Variants in PDE1C observed in about 807,000 individuals in gnomAD.
PDE1C encodes the protein phosphodiesterase 1C, also known as dual specificity calcium/calmodulin-dependent 3',5'-cyclic nucleotide phosphodiesterase 1C.
Under a neutral mutation model 93.1 loss-of-function variants are expected in PDE1C, and 62 were observed. That is an observed-to-expected ratio of 0.67 (90% CI 0.54 to 0.82). The LOEUF is 0.82. PDE1C is among the 40% of genes least tolerant of loss of function. The pLI, the probability that PDE1C is intolerant of heterozygous loss-of-function variation, is 0.00. For missense variants in PDE1C, 742 were observed against 884.6 expected (o/e 0.84, Z 2.04); for synonymous variants, 325 against 310.1 (o/e 1.05, Z -0.50).
chr7:31,745,963 G>C, the PDE1C span, among the ~76,000 whole-genome samples: 1 of 152,180 alleles, frequency 6.6e-6, no homozygotes, highest in African/African-American at 2.4e-5. Flanking sequence ...AAGGTGTCAG[G>C]AGTACCCAGA....
chr7:32,124,349 A>T (rs1330612193), intron 3 of PDE1C, among the ~76,000 whole-genome samples: 1 of 152,202 alleles, frequency 6.6e-6, no homozygotes, highest in Non-Finnish European at 1.5e-5. Context: ...ATTAGAAAAA[A>T]ATACTTTAAA....
At chr7:32,406,181 C>T (rs930715616) in intron 1 of PDE1C, among the ~76,000 whole-genome samples, 1 of 152,170 alleles carries the variant, frequency 6.6e-6, no homozygotes, top group South Asian at 2.1e-4. Flanking sequence ...TTTCATCTAC[C>T]TCTTTCCCCT....
At chr7:31,851,672 C>T (rs917786762) in intron 7 of PDE1C, among the ~76,000 whole-genome samples, 19 of 152,180 alleles carry the variant, frequency 1.2e-4, no homozygotes, top group African/African-American at 4.6e-4. Context: ...ATGATTTATT[C>T]TAAACCACAT....
rs192217773 is a variant in PDE1C at position 32,115,159 on chromosome 7, G to A, written c.308+54626C>T. The stretch of plus-strand genomic sequence containing the variant: ...AAATCATTCTATTATAAATAAACAC[G>A]CCCACGTATGTTTATTGCAGCACTA... On this transcript the variant is annotated intron_variant, in intron 3 of 18. Transcript: ENST00000396193. Among the ~76,000 whole-genome samples the A allele has an allele frequency of 3.3e-4, 50 of 152,044 alleles. 1 individual carries two copies. The East Asian group carries it at 5.6e-3, about 17-fold the overall frequency.
the PDE1C span, among the ~76,000 whole-genome samples, chr7:31,733,495 G>A: frequency 6.6e-6 from 1 of 152,168 alleles, no homozygotes; most frequent in Non-Finnish European, 1.5e-5. Context: ...CTGACGTGCA[G>A]AGAATCAGGT....
chr7:31,921,572 A>T (rs1802626740), intron 2 of PDE1C, among the ~76,000 whole-genome samples: 1 of 152,308 alleles, frequency 6.6e-6, no homozygotes, highest in East Asian at 1.9e-4. Flanking sequence ...GTAAACATTT[A>T]ACTCCTCATA....
chr7:31,823,815 T>C (rs1583480725), intron 13 of PDE1C, among the ~76,000 whole-genome samples: 3 of 152,126 alleles, frequency 2.0e-5, no homozygotes, highest in Admixed American at 1.3e-4. Context: ...AAAGACCTTA[T>C]GGGTAACTTT....
the PDE1C span, among the ~76,000 whole-genome samples, chr7:31,683,587 A>G: frequency 2.6e-5 from 4 of 152,066 alleles, no homozygotes; most frequent in Non-Finnish European, 5.9e-5. Flanking sequence ...CTCCTCTCTA[A>G]GAGGCTGATG....
At chr7:32,200,379 C>T (rs962541058) in intron 2 of PDE1C, among the ~76,000 whole-genome samples, 1 of 152,132 alleles carries the variant, frequency 6.6e-6, no homozygotes, top group Non-Finnish European at 1.5e-5. Flanking sequence ...TCAAAGTGTT[C>T]CTGGACCTTT....
upstream of PDE1C, among the ~76,000 whole-genome samples, chr7:32,300,732 C>A (rs560264480): frequency 6.6e-6 from 1 of 152,106 alleles, no homozygotes; most frequent in Non-Finnish European, 1.5e-5. Context: ...ACAAAAATAA[C>A]GTATTTTAGT....
chr7:32,056,431 T>C (rs936064651), intron 1 of PDE1C, among the ~76,000 whole-genome samples: 1 of 151,842 alleles, frequency 6.6e-6, no homozygotes, highest in Non-Finnish European at 1.5e-5. Context: ...CGTTTCTGTT[T>C]TTCTAAGGGG....
intron 2 of PDE1C, among the ~76,000 whole-genome samples, chr7:32,188,255 C>T (rs1804012053): frequency 2.0e-5 from 3 of 151,730 alleles, no homozygotes; most frequent in Admixed American, 2.0e-4. Flanking sequence ...CTATTGAACA[C>T]AGGGAGCCCT....
intron 3 of PDE1C, among the ~76,000 whole-genome samples, chr7:32,079,577 C>T (rs192224021): frequency 1.1e-4 from 17 of 152,312 alleles, no homozygotes; most frequent in South Asian, 4.1e-4. Flanking sequence ...GATGGCAACC[C>T]GGGCTAGAAT....
the PDE1C span, among the ~76,000 whole-genome samples, chr7:31,745,195 G>A: frequency 6.6e-6 from 1 of 152,160 alleles, no homozygotes; most frequent in African/African-American, 2.4e-5. Flanking sequence ...GCTCTGTGTC[G>A]AGAAGGTTTC....
At chr7:32,200,924 C>T (rs989053605) in intron 2 of PDE1C, among the ~76,000 whole-genome samples, 3 of 152,082 alleles carry the variant, frequency 2.0e-5, no homozygotes, top group Admixed American at 1.3e-4. Context: ...TTTAAGAGTC[C>T]GAGTTAGGCA....
At chr7:31,912,637 T>C (rs1801392571) in intron 2 of PDE1C, among the ~76,000 whole-genome samples, 1 of 152,094 alleles carries the variant, frequency 6.6e-6, no homozygotes, top group African/African-American at 2.4e-5. Flanking sequence ...CAGTGAGCTA[T>C]GATCATGCCA....
At chr7:31,875,932 G>A (rs540630081) in intron 5 of PDE1C, among the ~76,000 whole-genome samples, 97 of 149,042 alleles carry the variant, frequency 6.5e-4, no homozygotes, top group African/African-American at 2.3e-3. Flanking sequence ...ATGTTCTTAC[G>A]TTAACCACAA....
intron 2 of PDE1C, among the ~76,000 whole-genome samples, chr7:32,177,256 T>C (rs543839429): frequency 9.0e-4 from 137 of 152,256 alleles, no homozygotes; most frequent in African/African-American, 2.8e-3. Flanking sequence ...TTGGAAGTGA[T>C]TCCAGGAGGC....
At chr7:32,070,588 G>A (rs1202449494), upstream of PDE1C, 22 of 1,428,672 alleles carry the variant, frequency 1.5e-5, no homozygotes, top group East Asian at 5.6e-4. Context: ...ATGGCCCCAG[G>A]TGCGCTCCGG....
Sources: gnomAD v4.1 joint callset for allele counts (sites outside exome capture counted in the v4.1 genomes callset) on GRCh38, gnomAD v4.1.1 for gene constraint, MANE v1.5 for transcripts, NCBI Gene and HGNC (gene_info 2026-07-23, HGNC 2026-07-21) for gene names.